The following DLG2 variants were observed in gnomAD, a reference collection of about 807,000 sequenced individuals.
DLG2 encodes the protein disks large homolog 2.
Under a neutral mutation model 132.5 loss-of-function variants are expected in DLG2, and 45 were observed. That is an observed-to-expected ratio of 0.34 (90% CI 0.27 to 0.44). DLG2 has a LOEUF of 0.44. DLG2 is among the 20% of genes least tolerant of loss of function. DLG2 has a pLI of 1.00. For synonymous variants in DLG2, 424 were observed against 419.6 expected (o/e 1.01, Z -0.13); for missense variants, 1,045 against 1,196.9 (o/e 0.87, Z 1.87).
At chr11:84,662,802 A>T (rs1235576765) in intron 6 of DLG2, among the ~76,000 whole-genome samples, 1 of 151,556 alleles carries the variant, frequency 6.6e-6, no homozygotes, top group Non-Finnish European at 1.5e-5. Flanking sequence ...AAAAAAAAAA[A>T]AAAAAGGCAG....
intron 7 of DLG2, among the ~76,000 whole-genome samples, chr11:84,412,587 A>G (rs879201887): frequency 4.6e-5 from 7 of 152,234 alleles, no homozygotes; most frequent in Admixed American, 4.6e-4. Flanking sequence ...GTACAAAAAG[A>G]TAGATCCAAC....
chr11:85,026,155 G>T (rs1156868446), intron 6 of DLG2, among the ~76,000 whole-genome samples: 1 of 151,694 alleles, frequency 6.6e-6, no homozygotes, highest in Non-Finnish European at 1.5e-5. Flanking sequence ...TCAAACAAAA[G>T]GCAGCAAAAA....
chr11:84,648,530 T>G (rs12417878), intron 6 of DLG2, among the ~76,000 whole-genome samples: 2,031 of 152,230 alleles, frequency 0.013, 89 homozygotes, highest in Admixed American at 0.082. Flanking sequence ...CCTCCGCATC[T>G]CATGTTGAAA....
chr11:83,753,802 C>T (rs1244229697), intron 18 of DLG2, among the ~76,000 whole-genome samples: 13 of 111,406 alleles, frequency 1.2e-4, no homozygotes, highest in Non-Finnish European at 2.1e-4. Context: ...TATGATATAT[C>T]ATATATATCA....
intron 19 of DLG2, among the ~76,000 whole-genome samples, 165 bp from the exon 20 acceptor site, chr11:83,542,023 A>G (rs1017840631): frequency 6.6e-6 from 1 of 152,168 alleles, no homozygotes; most frequent in Admixed American, 6.6e-5. Context: ...TGCTTTGGCA[A>G]CACACTAAAG....
intron 7 of DLG2, among the ~76,000 whole-genome samples, chr11:84,472,369 T>C (rs2099110702): frequency 6.6e-6 from 1 of 151,926 alleles, no homozygotes; most frequent in South Asian, 2.1e-4. Context: ...TAAAAATCTT[T>C]GGTGAGATAA....
At chr11:83,731,344 G>T (rs1003928956) in intron 18 of DLG2, among the ~76,000 whole-genome samples, 1 of 152,098 alleles carries the variant, frequency 6.6e-6, no homozygotes, top group South Asian at 2.1e-4. Context: ...GTGTCCATGT[G>T]TTCTTGTTGT....
At chr11:84,316,789 A>C (rs780218549) in intron 7 of DLG2, 1 of 1,554,500 alleles carries the variant, frequency 6.4e-7, no homozygotes. Context: ...CACTTTCTTC[A>C]GACACTCAAG....
intron 3 of DLG2, among the ~76,000 whole-genome samples, chr11:85,421,733 T>G (rs1044816437): frequency 1.3e-5 from 2 of 152,232 alleles, no homozygotes; most frequent in Non-Finnish European, 1.5e-5. Flanking sequence ...CTTGGTTTTT[T>G]GTTTTTTGTT....
chr11:84,859,081 G>A (rs1599973268), intron 6 of DLG2, among the ~76,000 whole-genome samples: 1 of 151,616 alleles, frequency 6.6e-6, no homozygotes, highest in East Asian at 1.9e-4. Flanking sequence ...CTACTTCATA[G>A]GACTCCTGCA....
intron 6 of DLG2, among the ~76,000 whole-genome samples, chr11:85,026,705 C>A (rs1005039589): frequency 2.0e-5 from 3 of 151,820 alleles, no homozygotes; most frequent in African/African-American, 7.3e-5. Context: ...GGCGTGGTGG[C>A]GGGCGCCTGT....
intron 9 of DLG2, among the ~76,000 whole-genome samples, chr11:84,119,920 C>G (rs1483098249): frequency 6.6e-6 from 1 of 152,134 alleles, no homozygotes; most frequent in Non-Finnish European, 1.5e-5. Context: ...CTCCTACTGA[C>G]TTTGTACTGG....
chr11:84,975,795 C>T (rs1046587980), intron 6 of DLG2, among the ~76,000 whole-genome samples: 4 of 152,148 alleles, frequency 2.6e-5, no homozygotes, highest in Non-Finnish European at 5.9e-5. Flanking sequence ...TCTTCCTCTC[C>T]TGGTCCTCCA....
intron 22 of DLG2, 52 bp from the exon 23 acceptor site, chr11:83,472,829 G>A (rs760485544): frequency 1.3e-6 from 2 of 1,482,088 alleles, no homozygotes; most frequent in South Asian, 2.3e-5. Context: ...ATATATTACA[G>A]AGACAAGCCC....
intron 6 of DLG2, chr11:84,955,339 G>C (rs1032294212): frequency 6.6e-6 from 1 of 152,136 alleles, no homozygotes; most frequent in South Asian, 2.1e-4. Context: ...CTCATTTACA[G>C]ATGAGAAGAC....
At chr11:84,969,285 C>A (rs1356918696) in intron 6 of DLG2, among the ~76,000 whole-genome samples, 1 of 152,136 alleles carries the variant, frequency 6.6e-6, no homozygotes, top group East Asian at 1.9e-4. Flanking sequence ...AGTGATGTCA[C>A]CTCCAGCCAG....
At chr11:84,524,196 T>A (rs77368620) in intron 7 of DLG2, among the ~76,000 whole-genome samples, 6,618 of 152,310 alleles carry the variant, frequency 0.043, 161 homozygotes, top group Middle Eastern at 0.092. Context: ...GAGTCACAGG[T>A]GGCCCATCAC....
At chr11:84,994,294 G>A (rs1277076215) in intron 6 of DLG2, among the ~76,000 whole-genome samples, 1 of 152,128 alleles carries the variant, frequency 6.6e-6, no homozygotes, top group Non-Finnish European at 1.5e-5. Flanking sequence ...AGCAAAGTTT[G>A]TCATTTCATC....
At chr11:84,717,095 C>T in intron 6 of DLG2, among the ~76,000 whole-genome samples, 1 of 152,004 alleles carries the variant, frequency 6.6e-6, no homozygotes, top group Non-Finnish European at 1.5e-5. Context: ...ACTCAGCATC[C>T]TTGAAGCCAT....
Sources: gnomAD v4.1 joint callset for allele counts (sites outside exome capture counted in the v4.1 genomes callset) on GRCh38, gnomAD v4.1.1 for gene constraint, MANE v1.5 for transcripts, NCBI Gene and HGNC (gene_info 2026-07-23, HGNC 2026-07-21) for gene names.